Variants in LRTM3 observed in about 807,000 individuals in gnomAD.
LRTM3 encodes leucine-rich repeat transmembrane protein 3.
At chr13:102,744,980 G>C in the LRTM3 span, 1 of 1,550,704 alleles carries the variant, frequency 6.4e-7, no homozygotes, top group Non-Finnish European at 8.7e-7. Context: ...ACCATTTACT[G>C]AGTCCTCTGA....
the LRTM3 span, chr13:102,735,161 T>C: frequency 6.4e-7 from 1 of 1,551,312 alleles, no homozygotes; most frequent in African/African-American, 1.4e-5. Context: ...AGTTTTCCAC[T>C]GAAGATCACT....
At chr13:102,735,137 T>A in the LRTM3 span, 1 of 1,551,338 alleles carries the variant, frequency 6.4e-7, no homozygotes, top group Non-Finnish European at 8.7e-7. Context: ...GACCTTTTCC[T>A]CCTCTTGCTC....
the LRTM3 span, among the ~76,000 whole-genome samples, chr13:102,752,789 T>A: frequency 6.6e-6 from 1 of 152,204 alleles, no homozygotes; most frequent in Non-Finnish European, 1.5e-5. Flanking sequence ...TTAAATAGGC[T>A]ATTAAAGTTA....
the LRTM3 span, chr13:102,731,127 A>G: frequency 3.2e-6 from 5 of 1,551,248 alleles, no homozygotes; most frequent in East Asian, 1.2e-4. Context: ...GTCACTGCAG[A>G]TGTTCCATTT....
At chr13:102,755,243 G>A in the LRTM3 span, among the ~76,000 whole-genome samples, 1 of 132,164 alleles carries the variant, frequency 7.6e-6, no homozygotes, top group Admixed American at 8.9e-5. Flanking sequence ...TTTCTCCTTT[G>A]TCTCATTTCA....
At chr13:102,741,858 T>A in the LRTM3 span, 1 of 1,550,430 alleles carries the variant, frequency 6.4e-7, no homozygotes, top group Non-Finnish European at 8.7e-7. Flanking sequence ...TCGAAACTAC[T>A]GTAATTGATT....
At chr13:102,737,939 T>C in the LRTM3 span, 2 of 1,550,908 alleles carry the variant, frequency 1.3e-6, no homozygotes, top group Non-Finnish European at 1.7e-6. Flanking sequence ...CATTTTCCCT[T>C]GCTCTATGCC....
At chr13:102,741,389 T>C in the LRTM3 span, 1 of 1,549,790 alleles carries the variant, frequency 6.5e-7, no homozygotes, top group Admixed American at 2.0e-5. Flanking sequence ...CACCTGTTCT[T>C]TCTGCTCTGC....
chr13:102,734,929 A>C, the LRTM3 span: 14 of 1,551,046 alleles, frequency 9.0e-6, no homozygotes, highest in Admixed American at 3.9e-5. Context: ...GATAGATTAA[A>C]ATATCACCAG....
the LRTM3 span, chr13:102,731,787 T>C: frequency 6.4e-7 from 1 of 1,550,878 alleles, no homozygotes; most frequent in African/African-American, 1.4e-5. Context: ...ACCTTTTGTG[T>C]GGTCATGTCC....
At chr13:102,739,103 T>G in the LRTM3 span, 2 of 1,550,524 alleles carry the variant, frequency 1.3e-6, no homozygotes, top group Non-Finnish European at 1.7e-6. Flanking sequence ...AGGATTCCAT[T>G]CCAAGTGAGG....
chr13:102,742,904 A>T, the LRTM3 span: 1 of 1,550,674 alleles, frequency 6.4e-7, no homozygotes, highest in Non-Finnish European at 8.7e-7. Context: ...TGCCTCACTC[A>T]GTTCTGCACA....
chr13:102,737,477 T>C, the LRTM3 span: 11 of 1,550,680 alleles, frequency 7.1e-6, no homozygotes, highest in Admixed American at 2.2e-4. Context: ...ATCTGCTTGC[T>C]GTTGCTCTTC....
chr13:102,732,599 A>C, the LRTM3 span: 32 of 1,551,070 alleles, frequency 2.1e-5, no homozygotes, highest in Non-Finnish European at 2.7e-5. Context: ...TTGCATGATT[A>C]GGCGGCTGTT....
the LRTM3 span, chr13:102,740,379 G>A: frequency 1.9e-6 from 3 of 1,550,294 alleles, no homozygotes; most frequent in South Asian, 2.4e-5. Context: ...AACAAGTCTA[G>A]TCCTGGTGTC....
chr13:102,737,933 T>C, the LRTM3 span: 7 of 1,550,932 alleles, frequency 4.5e-6, no homozygotes, highest in Non-Finnish European at 6.1e-6. Flanking sequence ...TCCATCCATT[T>C]TCCCTTGCTC....
chr13:102,748,950 G>A, the LRTM3 span: 3 of 1,550,508 alleles, frequency 1.9e-6, no homozygotes, highest in Non-Finnish European at 2.6e-6. Flanking sequence ...TCTGTATCTG[G>A]TGACTTATTT....
At chr13:102,731,047 G>A in the LRTM3 span, 9 of 1,551,444 alleles carry the variant, frequency 5.8e-6, no homozygotes, top group African/African-American at 6.8e-5. Flanking sequence ...AAAAGTGCAT[G>A]AGGAGTTTGC....
chr13:102,730,592 G>A, the LRTM3 span: 1 of 1,551,640 alleles, frequency 6.4e-7, no homozygotes, highest in African/African-American at 1.4e-5. Flanking sequence ...ATCACGGTCA[G>A]AAGCACACAC....
Sources: allele counts gnomAD v4.1 joint callset (sites outside exome capture counted in the v4.1 genomes callset), GRCh38; gene constraint gnomAD v4.1.1; transcripts MANE v1.5; gene names NCBI Gene and HGNC (gene_info 2026-07-23, HGNC 2026-07-21).